The following SACS variants were observed in gnomAD, a reference collection of about 807,000 sequenced individuals.
SACS encodes sacsin molecular chaperone, also known as sacsin.
A neutral mutation model predicts 348.0 loss-of-function variants in SACS; 197 were observed. The observed-to-expected ratio is 0.57, with a 90% CI of 0.50 to 0.64. The LOEUF is 0.64. SACS is among the 30% of genes least tolerant of loss of function. SACS has a pLI of 0.00. For synonymous variants in SACS, 1,985 were observed against 1,910.6 expected (o/e 1.04, Z -1.02); for missense variants, 4,999 against 5,360.8 (o/e 0.93, Z 2.11).
rs199657817 is a variant in SACS, at chr13:23,355,302, G to C, written c.1310C>G (p.Thr437Arg). 12 of 1,614,106 alleles carry C rather than the reference G, an allele frequency of 7.4e-6. No homozygotes were observed. Among genetic ancestry groups the C allele is most frequent in the Non-Finnish European group, 8.5e-6 (10 of 1,180,034 alleles). The change falls in exon 8 of 10, where the codon ACG becomes AGG. Residue 437 changes from threonine (T) to arginine (R), a missense_variant. Around this residue, in one of 6 missense-constraint regions of SACS, gnomAD observed 3,156 missense variants for 3,380.1 expected, o/e 0.93. Coordinates refer to ENST00000382292, the MANE Select transcript of SACS (RefSeq NM_014363.6). ...AAATGCTTTTCCTGAGAAATCAGAC[G>C]TTGCTCCTTTTGCTTCATCATCTCT... ...SSRDDEAKGA[T>R]SDFSGKAFCF... is the part of the protein sequence containing the mutation.
In SACS at chr13:23,411,548, C is replaced by T. The variant is rs1010532608; in HGVS notation, c.-309G>A. On this transcript the variant is annotated 5_prime_UTR_variant, in exon 2 of 10. Transcript: ENST00000382292. ...GGATTCGCTAAAGGTTTTTGGCTTT[C>T]CCCCAGAGCAAAATCAATTTATTTT... 2.7e-5 allele frequency: 9 copies of T among 331,034 alleles called. No individual in the cohort carries two copies. In the Admixed American group the frequency reaches 4.4e-4, roughly 16 times the overall value. 20.5% of individuals were successfully genotyped at this position (331,034 alleles called of 1,614,324 possible).
At chr13:23,430,405 TATAAAC>T (rs1234878053) in intron 1 of SACS, among the ~76,000 whole-genome samples, 2 of 152,212 alleles carry the variant, frequency 1.3e-5, no homozygotes, top group African/African-American at 4.8e-5. Context: ...AAATTATAAA[TATAAAC>T]ATATACACCT....
Position 23,399,019 on chromosome 13 carries a change from C to CAAAAAAAAAAAAAAAAAAAAAAAAAAAAA in SACS, c.20+12200_20+12201insTTTTTTTTTTTTTTTTTTTTTTTTTTTTT, listed in dbSNP as rs752943692. On this transcript the variant is annotated intron_variant, in intron 2 of 9. Transcript: ENST00000382292. ...CTGGTAACAGAGTGAGACTCCATCT[C>CAAAAAAAAAAAAAAAAAAAAAAAAAAAAA]AAAAAAAAAAAAAAAAAACATGGAT... is the stretch of plus-strand genomic sequence containing the variant. Among the ~76,000 whole-genome samples, 23 of 67,128 alleles carry CAAAAAAAAAAAAAAAAAAAAAAAAAAAAA rather than the reference C, an allele frequency of 3.4e-4. 4 individuals are homozygous for CAAAAAAAAAAAAAAAAAAAAAAAAAAAAA. The highest frequency in any genetic ancestry group is 4.9e-4 in the African/African-American group (9 of 18,212). The allele number at this position is 67,128 out of a possible 152,430, so 44.0% of individuals were successfully genotyped here.
Position 23,332,648 on chromosome 13 carries a change from G to C in SACS, c.11228C>G (p.Pro3743Arg), listed in dbSNP as rs140905170. The C allele has an allele frequency of 2.5e-6, 4 of 1,613,582 alleles. No homozygotes were observed. In the African/African-American group the frequency reaches 4.0e-5, roughly 16 times the overall value. Reference protein sequence around the residue: ...VLNMLNVNLDPPLDKVINNCR... With the variant: ...VLNMLNVNLDRPLDKVINNCR... ...GTTATTGATTACCTTATCAAGAGGA[G>C]GATCCAGGTTAACATTAAGCATATT... The change falls in exon 10 of 10, where the codon CCT becomes CGT. Residue 3743 changes from proline to arginine, a missense_variant. By Grantham distance (103) the Pro-to-Arg change is moderately radical. Transcript: ENST00000382292.
At chr13:23,393,751 CTTTT>C (rs1214455721) in intron 2 of SACS, among the ~76,000 whole-genome samples, 1 of 151,744 alleles carries the variant, frequency 6.6e-6, no homozygotes, top group Non-Finnish European at 1.5e-5. Context: ...TCTTGGTATT[CTTTT>C]TTTTATTTTT....
chr13:23,431,269 G>C (rs754435485), intron 1 of SACS, among the ~76,000 whole-genome samples: 2 of 152,164 alleles, frequency 1.3e-5, no homozygotes, highest in Non-Finnish European at 2.9e-5. Flanking sequence ...GCGTTAAAAG[G>C]CTTTCTAATT....
At chr13:23,361,449 T>C (rs1354888954) in intron 6 of SACS, among the ~76,000 whole-genome samples, 1 of 152,122 alleles carries the variant, frequency 6.6e-6, no homozygotes, top group Non-Finnish European at 1.5e-5. Flanking sequence ...ATCAAAACGA[T>C]GTGTTCTTGG....
At chr13:23,368,511 G>C (rs1214083297) in intron 4 of SACS, 24 bp from the exon 5 acceptor site, 8 of 1,569,570 alleles carry the variant, frequency 5.1e-6, no homozygotes, top group Non-Finnish European at 6.1e-6. Flanking sequence ...CACATTTTAA[G>C]TGAGTTAGAA....
At position 23,338,567 on chromosome 13, in the gene SACS, A is replaced by C. The variant is rs752730026; in HGVS notation, c.5309T>G (p.Val1770Gly). 1.1e-5 allele frequency: 18 copies of C among 1,613,944 alleles called. No individual in the cohort carries two copies. The highest frequency in any genetic ancestry group is 1.5e-5 in the Non-Finnish European group (18 of 1,179,962). ...CTGTAAATCAGCAATCCTTCTGAAC[A>C]CATGGTGAAATTCTTCCACTGTGAT... is the stretch of plus-strand genomic sequence containing the variant. ...LQITVEEFHH[V>G]FRRIADLQSP... The change falls in exon 10 of 10, where the codon GTG becomes GGG. Residue 1770 changes from valine (V) to glycine (G), a missense_variant. This residue lies in a region of SACS where 3,156 missense variants were observed against 3,380.1 expected (regional missense o/e 0.93). Transcript: ENST00000382292.
In SACS at chr13:23,355,746, T is replaced by G. The variant is rs753275336; in HGVS notation, c.866A>C (p.Lys289Thr). Residue 289 changes from lysine to threonine, a missense_variant, in exon 8 of 10, where the codon AAG becomes ACG. Physicochemically the swap from Lys to Thr is moderately conservative, Grantham distance 78 (BLOSUM62 -1). Transcript: ENST00000382292. Reference sequence around the variant, plus strand: ...CTCAAACAACTCAAGAACCTTCTGCTTATTGTAGAGGTTACTACTAAGTTG... The same window carrying G: ...CTCAAACAACTCAAGAACCTTCTGCGTATTGTAGAGGTTACTACTAAGTTG... ...PSQLSSNLYN[K>T]QKVLELFESF... 1.2e-6 allele frequency: 2 copies of G among 1,614,210 alleles called. No individual in the cohort carries two copies. Among genetic ancestry groups the G allele is most frequent in the Admixed American group, 1.7e-5 (1 of 60,022 alleles).
chr13:23,412,297 A>G (rs569763713), intron 1 of SACS, among the ~76,000 whole-genome samples: 1 of 151,660 alleles, frequency 6.6e-6, no homozygotes, highest in Non-Finnish European at 1.5e-5. Context: ...CTACTTAACC[A>G]CTTAGTTTCA....
chr13:23,336,082 T>G lies in SACS; in HGVS notation c.7794A>C (p.Glu2598Asp). 6.2e-7 allele frequency: 1 copy of G among 1,611,752 alleles called. No individual in the cohort carries two copies. Among genetic ancestry groups the G allele is most frequent in the Non-Finnish European group, 8.5e-7 (1 of 1,178,200 alleles). The change falls in exon 10 of 10, where the codon GAA (glutamate) becomes GAC (aspartate). Residue 2598 changes from glutamate to aspartate, a missense_variant. Transcript: ENST00000382292. ...GATTCTGAATTCCTCTAACATCATC[T>G]TCTGTAAATGGCTGGTTGTTGTACA... ...LCVYNNQPFT[E>D]DDVRGIQNLG... is the part of the protein sequence containing the mutation.
Position 23,334,986 on chromosome 13 carries a change from G to C in SACS, c.8890C>G (p.Pro2964Ala). 1 of 1,613,784 alleles carries C rather than the reference G, an allele frequency of 6.2e-7. No homozygotes were observed. The highest frequency in any genetic ancestry group is 8.5e-7 in the Non-Finnish European group (1 of 1,179,794). ...GGCTGTAGATCAAGACGGTTAACTGGGAAAAACGATAAAAACTTCTTTAAA... is the reference window on the plus strand; with the variant it reads ...GGCTGTAGATCAAGACGGTTAACTGCGAAAAACGATAAAAACTTCTTTAAA... Reference protein sequence around the residue: ...DTLKKFLSFFPVNRLDLQPDL... With the variant: ...DTLKKFLSFFAVNRLDLQPDL... Residue 2964 changes from proline (P) to alanine (A), a missense_variant, in exon 10 of 10, where the codon CCA becomes GCA. Physicochemically the swap from Pro to Ala is conservative, Grantham distance 27 (BLOSUM62 -1). Around this residue, in one of 6 missense-constraint regions of SACS, gnomAD observed 734 missense variants for 694.0 expected, o/e 1.06. Transcript: ENST00000382292.
intron 2 of SACS, among the ~76,000 whole-genome samples, chr13:23,398,173 A>G (rs924068945): frequency 2.6e-5 from 4 of 151,962 alleles, no homozygotes; most frequent in Non-Finnish European, 5.9e-5. Context: ...CCTGGGCAAC[A>G]AGAGCGAAAC....
intron 6 of SACS, 106 bp from the exon 7 acceptor site, chr13:23,358,587 A>G (rs1870538900): frequency 8.2e-7 from 1 of 1,217,112 alleles, no homozygotes; most frequent in Non-Finnish European, 1.2e-6. Context: ...GGGAAAATAG[A>G]GAGGAGTGAA....
intron 9 of SACS, among the ~76,000 whole-genome samples, chr13:23,345,340 A>G (rs759158106): frequency 4.6e-5 from 7 of 152,232 alleles, no homozygotes; most frequent in African/African-American, 7.2e-5. Context: ...GAAGGAAAGA[A>G]AAGGGCAGCC....
intron 2 of SACS, among the ~76,000 whole-genome samples, chr13:23,409,302 GC>G (rs199898777): frequency 0.082 from 12,166 of 147,696 alleles, 573 homozygotes; most frequent in East Asian, 0.13. Flanking sequence ...TGATCCGCCC[GC>G]CTCGGCCTCC....
intron 2 of SACS, among the ~76,000 whole-genome samples, chr13:23,380,152 A>T (rs368318351): frequency 0.03 from 2,795 of 92,488 alleles, 67 homozygotes; most frequent in African/African-American, 0.1. Flanking sequence ...TGTGTGTGAG[A>T]GAGAGAGAGA....
At chr13:23,424,745 T>C (rs547656771) in intron 1 of SACS, among the ~76,000 whole-genome samples, 12 of 152,308 alleles carry the variant, frequency 7.9e-5, no homozygotes, top group African/African-American at 2.6e-4. Flanking sequence ...TATCAACATA[T>C]GAACGTCCAG....
Sources: gnomAD v4.1 joint callset for allele counts (sites outside exome capture counted in the v4.1 genomes callset) on GRCh38, gnomAD v4.1.1 for gene constraint, gnomAD v4.1.1 regional missense constraint, MANE v1.5 for transcripts, NCBI Gene and HGNC (gene_info 2026-07-23, HGNC 2026-07-21) for gene names.